The following PBRM1 variants were observed in gnomAD, a reference collection of about 807,000 sequenced individuals.
The protein encoded by PBRM1 is protein polybromo-1.
A neutral mutation model predicts 194.5 loss-of-function variants in PBRM1; 27 were observed. The ratio of observed to expected loss-of-function variants is 0.14; its 90% CI spans 0.10 to 0.19. The LOEUF is 0.19. PBRM1 is among the 10% of genes least tolerant of loss of function. The pLI, the probability that PBRM1 is intolerant of heterozygous loss-of-function variation, is 1.00. For missense variants in PBRM1, 1,466 were observed against 2,077.2 expected, an observed-to-expected ratio of 0.71 and a Z score of 5.72; for synonymous variants, 655 against 693.2, an observed-to-expected ratio of 0.94 and a Z score of 0.87.
chr3:52,562,203 T>TAC (rs1410382305), intron 24 of PBRM1, among the ~76,000 whole-genome samples: 1 of 151,502 alleles, frequency 6.6e-6, no homozygotes, highest in African/African-American at 2.4e-5. Context: ...GGCGGGCGCC[T>TAC]GTAGTCCCAG....
intron 20 of PBRM1, chr3:52,586,219 C>A: frequency 4.2e-6 from 2 of 471,902 alleles, no homozygotes; most frequent in Non-Finnish European, 7.5e-6. Flanking sequence ...CAGGCGTGAA[C>A]CAATGCACTT....
chr3:52,614,471 T>C (rs1560383943), intron 15 of PBRM1, among the ~76,000 whole-genome samples: 2 of 151,506 alleles, frequency 1.3e-5, no homozygotes, highest in African/African-American at 2.4e-5. Context: ...TATCAATTGC[T>C]TGGTATCTAT....
At chr3:52,673,522 A>G (rs1445207271) in intron 2 of PBRM1, among the ~76,000 whole-genome samples, 2 of 150,916 alleles carry the variant, frequency 1.3e-5, no homozygotes, top group Non-Finnish European at 3.0e-5. Flanking sequence ...TACAAAAAAA[A>G]TTAGCCAGGC....
chr3:52,590,863 A>G (rs150001830), intron 17 of PBRM1, among the ~76,000 whole-genome samples: 86 of 152,330 alleles, frequency 5.6e-4, no homozygotes, highest in African/African-American at 1.9e-3. Flanking sequence ...CAGTATGGCC[A>G]TTTTAATAAC....
intron 3 of PBRM1, among the ~76,000 whole-genome samples, chr3:52,666,279 C>T (rs780653290): frequency 2.0e-4 from 30 of 152,108 alleles, no homozygotes; most frequent in Middle Eastern, 3.4e-3. Flanking sequence ...TGGTGGCTCA[C>T]GCCTGTAATC....
intron 29 of PBRM1, among the ~76,000 whole-genome samples, chr3:52,548,751 C>A (rs1237790014): frequency 6.6e-6 from 1 of 151,840 alleles, no homozygotes; most frequent in Non-Finnish European, 1.5e-5. Flanking sequence ...TGTAGGCATC[C>A]CTGATATTTA....
chr3:52,551,614 T>C (rs2081002063), intron 27 of PBRM1, among the ~76,000 whole-genome samples: 1 of 152,222 alleles, frequency 6.6e-6, no homozygotes, highest in Non-Finnish European at 1.5e-5. Flanking sequence ...TGTCAGAGGC[T>C]CTTTTGATTT....
At chr3:52,587,077 T>C (rs938952587) in intron 19 of PBRM1, among the ~76,000 whole-genome samples, 23 of 152,110 alleles carry the variant, frequency 1.5e-4, no homozygotes, top group Non-Finnish European at 3.4e-4. Context: ...TTTGTAATGA[T>C]TATCCTTAAA....
chr3:52,605,088 T>A (rs2094260859), intron 16 of PBRM1, among the ~76,000 whole-genome samples: 1 of 152,096 alleles, frequency 6.6e-6, no homozygotes, highest in South Asian at 2.1e-4. Flanking sequence ...CTGAGGAAGG[T>A]TTACATACAA....
chr3:52,603,036 C>T (rs1038437252), intron 17 of PBRM1, among the ~76,000 whole-genome samples: 9 of 152,172 alleles, frequency 5.9e-5, no homozygotes, highest in African/African-American at 2.2e-4. Flanking sequence ...TGGCAAGTGA[C>T]CCAAAGTAAC....
intron 13 of PBRM1, among the ~76,000 whole-genome samples, chr3:52,623,392 ACC>A (rs1307305561): frequency 6.6e-6 from 1 of 152,112 alleles, no homozygotes; most frequent in East Asian, 1.9e-4. Flanking sequence ...TAGCTCCCCC[ACC>A]TTAAGAGCTT....
chr3:52,664,379 T>C (rs1015225910), intron 3 of PBRM1, among the ~76,000 whole-genome samples: 2 of 138,974 alleles, frequency 1.4e-5, no homozygotes, highest in African/African-American at 5.4e-5. Context: ...TTTAACTAAT[T>C]TAAGAGATTT....
In PBRM1 at chr3:52,609,862, G is replaced by C; in HGVS notation, c.2018C>G (p.Thr673Ser). Residue 673 changes from threonine (T) to serine (S), a missense_variant, in exon 16 of 30, where the codon ACT becomes AGT. Physicochemically the swap from Thr to Ser is moderately conservative, Grantham distance 58. This residue lies in a region of PBRM1 where 687 missense variants were observed against 946.2 expected (regional missense o/e 0.73). Transcript: ENST00000296302. The surrounding 1 kb of genome is among the most constrained non-coding windows in gnomAD (Gnocchi z 4.1). ...ACTGAGGCGGCGACCCCTCTTATCA[G>C]TATAGTTCTTTACAGCTTCATAGAC... is the stretch of plus-strand genomic sequence containing the variant. The C allele has an allele frequency of 6.2e-7, 1 of 1,608,576 alleles. No individual in the cohort carries two copies. Among genetic ancestry groups the C allele is most frequent in the Non-Finnish European group, 8.5e-7 (1 of 1,177,864 alleles).
intron 20 of PBRM1, 103 bp downstream of exon 22, chr3:52,586,322 G>C (rs922009237): frequency 2.9e-5 from 28 of 957,706 alleles, no homozygotes; most frequent in Non-Finnish European, 3.8e-5. Context: ...CTAAGGTTTT[G>C]TGTTGTTGCT....
At chr3:52,678,119 G>A (rs763043390) in intron 2 of PBRM1, among the ~76,000 whole-genome samples, 4 of 151,894 alleles carry the variant, frequency 2.6e-5, no homozygotes, top group East Asian at 1.9e-4. Flanking sequence ...AGATCTTTCC[G>A]CATAGGTCAT....
rs1027784052 is a variant in PBRM1, at chr3:52,562,024, C to A, written c.4087-56G>T. 1.5e-5 allele frequency: 22 copies of A among 1,445,866 alleles called. No homozygotes were observed. The Admixed American group carries it at 3.2e-4, about 21-fold the overall frequency. The allele number at this position is 1,445,866 out of a possible 1,614,324, so 89.6% of individuals were successfully genotyped here. The stretch of plus-strand genomic sequence containing the variant: ...AAAACATTACATTTGGTTAACTGCT[C>A]AAAATTTCAGAAGCCAGCCGGGCGC... On this transcript the variant is annotated intron_variant, in intron 24 of 29. Coordinates refer to ENST00000296302, the Ensembl canonical transcript of PBRM1.
downstream of PBRM1, chr3:52,546,575 G>C (rs546813566): frequency 4.8e-5 from 11 of 230,228 alleles, no homozygotes; most frequent in African/African-American, 2.4e-4. Flanking sequence ...ATTCATAGCA[G>C]ATTAAAAGGA....
At chr3:52,606,825 A>C (rs1200969870) in intron 16 of PBRM1, among the ~76,000 whole-genome samples, 1 of 152,248 alleles carries the variant, frequency 6.6e-6, no homozygotes, top group Non-Finnish European at 1.5e-5. Flanking sequence ...GAATACTGCC[A>C]GCAGTTTAGG....
chr3:52,674,901 G>C (rs1445149163), intron 2 of PBRM1, among the ~76,000 whole-genome samples: 1 of 151,764 alleles, frequency 6.6e-6, no homozygotes, highest in Non-Finnish European at 1.5e-5. Flanking sequence ...CCGGGAGGTT[G>C]AGTCTGCACT....
Sources: allele counts gnomAD v4.1 joint callset (sites outside exome capture counted in the v4.1 genomes callset), GRCh38; gene constraint gnomAD v4.1.1; regional missense constraint gnomAD v4.1.1; non-coding constraint Gnocchi (gnomAD v3.1); transcripts MANE v1.5; gene names NCBI Gene and HGNC (gene_info 2026-07-23, HGNC 2026-07-21).